The following FANK1 variants were observed in gnomAD, a reference collection of about 807,000 sequenced individuals.
The protein encoded by FANK1 is fibronectin type III and ankyrin repeat domains 1.
A neutral mutation model predicts 45.3 loss-of-function variants in FANK1; 44 were observed. That is an observed-to-expected ratio of 0.97 (90% CI 0.76 to 1.25). The LOEUF (loss-of-function observed/expected upper bound fraction) is 1.25. Ranked by LOEUF, FANK1 falls within the 50% of genes most tolerant of loss-of-function variation. FANK1 has a pLI of 0.00. For missense variants in FANK1, 391 were observed against 424.4 expected, an observed-to-expected ratio of 0.92 and a Z score of 0.69; for synonymous variants, 149 against 152.5, an observed-to-expected ratio of 0.98 and a Z score of 0.17.
At position 125,928,261 on chromosome 10, in the gene FANK1, C is replaced by CTTTTTTTTTTTTTT. The variant is rs34889746; in HGVS notation, c.13+31611_13+31624dup. ...TAAACAAGGGGTGGATTATTCGTGCCTTTTTTTTTTTTTTTTTTAAAGACC... is the reference window on the plus strand; with the variant it reads ...TAAACAAGGGGTGGATTATTCGTGCCTTTTTTTTTTTTTTTTTTTTTTTTTTTTTTTTAAAGACC... On this transcript the variant is annotated intron_variant, in intron 1 of 10. Coordinates refer to ENST00000368693, the MANE Select transcript of FANK1 (RefSeq NM_145235.5). Among the ~76,000 whole-genome samples, 5 of 137,722 alleles carry CTTTTTTTTTTTTTT rather than the reference C, an allele frequency of 3.6e-5. 1 individual carries two copies. The highest frequency in any genetic ancestry group is 3.1e-5 in the Non-Finnish European group (2 of 65,400). 90.4% of individuals were successfully genotyped at this position (137,722 alleles called of 152,430 possible).
Position 126,008,417 on chromosome 10 carries a change from T to G in FANK1, c.716T>G (p.Val239Gly). ...TCTCTGGCCCAACAGGTAGACGTCG[T>G]GGACACTGGTTCAGGATGGACCCCA... ...MIKDGCEVDVVDTGSGWTPLM... is the reference protein window; with the variant it reads ...MIKDGCEVDVGDTGSGWTPLM... The change falls in exon 8 of 11, where the codon GTG (valine) becomes GGG (glycine). Residue 239 changes from valine (V) to glycine (G), a missense_variant. Physicochemically the swap from Val to Gly is moderately radical, Grantham distance 109. Transcript: ENST00000368693. The G allele has an allele frequency of 6.2e-7, 1 of 1,604,788 alleles. No individual in the cohort carries two copies. Among genetic ancestry groups the G allele is most frequent in the Non-Finnish European group, 8.5e-7 (1 of 1,176,542 alleles).
Position 125,927,221 on chromosome 10 carries a change from C to T in FANK1, c.13+30566C>T, listed in dbSNP as rs1947411817. On this transcript the variant is annotated intron_variant, in intron 1 of 10. Transcript: ENST00000368693. Reference sequence around the variant, plus strand: ...CTCCCTGGCTCAAGCGATCCTCCCACCTTAGCCTCCTGAGTAGCTGGGACA... The same window carrying T: ...CTCCCTGGCTCAAGCGATCCTCCCATCTTAGCCTCCTGAGTAGCTGGGACA... 2.0e-5 allele frequency among the ~76,000 whole-genome samples: 3 copies of T among 152,228 alleles called. No homozygotes were observed. The South Asian group carries it at 6.2e-4, about 31-fold the overall frequency.
At chr10:125,971,753 C>T (rs1464255438) in intron 1 of FANK1, among the ~76,000 whole-genome samples, 1 of 152,054 alleles carries the variant, frequency 6.6e-6, no homozygotes, top group African/African-American at 2.4e-5. Flanking sequence ...TCCTGAGTAG[C>T]TGGGACTACA....
Position 125,984,424 on chromosome 10 carries a change from T to TG in FANK1, c.191+4089dup, listed in dbSNP as rs1367565471. On this transcript the variant is annotated intron_variant, in intron 2 of 10. Coordinates refer to ENST00000368693, the MANE Select transcript of FANK1 (RefSeq NM_145235.5). ...GGCGGGGAGGTAGATAGAATCCTTG[T>TG]GGGAGGGCACCTTGTGTCTCTGAAC... 2.0e-5 allele frequency among the ~76,000 whole-genome samples: 3 copies of TG among 152,126 alleles called. No individual in the cohort carries two copies. In the East Asian group the frequency reaches 5.8e-4, roughly 29 times the overall value.
chr10:125,937,051 A>AAAAGCC (rs1948148862), intron 1 of FANK1, among the ~76,000 whole-genome samples: 1 of 152,252 alleles, frequency 6.6e-6, no homozygotes, highest in East Asian at 1.9e-4. Flanking sequence ...TGGCAACAAC[A>AAAAGCC]AAAGCCAAAC....
chr10:125,970,731 G>T (rs1185330974), intron 1 of FANK1, among the ~76,000 whole-genome samples: 2 of 152,152 alleles, frequency 1.3e-5, no homozygotes, highest in Admixed American at 1.3e-4. Context: ...GGAGAATCAG[G>T]CAGGGAGGTT....
intron 1 of FANK1, among the ~76,000 whole-genome samples, chr10:125,954,765 TA>T (rs1468416460): frequency 6.6e-6 from 1 of 151,784 alleles, no homozygotes; most frequent in Non-Finnish European, 1.5e-5. Context: ...ACTAAAAATA[TA>T]AAAATTAGCC....
chr10:125,992,945 A>G (rs909553934), intron 3 of FANK1, among the ~76,000 whole-genome samples: 2 of 152,218 alleles, frequency 1.3e-5, no homozygotes, highest in South Asian at 2.1e-4. Context: ...GGAAGCATAT[A>G]GTGAACTGGT....
chr10:125,994,328 A>T, intron 3 of FANK1: 2 of 917,790 alleles, frequency 2.2e-6, no homozygotes, highest in Non-Finnish European at 2.6e-6. Context: ...AGCTCTTTTC[A>T]TGCTAACCCC....
At chr10:125,899,383 T>G (rs1224862514) in intron 1 of FANK1, among the ~76,000 whole-genome samples, 1 of 152,058 alleles carries the variant, frequency 6.6e-6, no homozygotes, top group Non-Finnish European at 1.5e-5. Flanking sequence ...TTAATTTTAT[T>G]TACTTTGAAT....
intron 1 of FANK1, among the ~76,000 whole-genome samples, chr10:125,971,304 C>T (rs1400257102): frequency 6.6e-6 from 1 of 152,062 alleles, no homozygotes. Flanking sequence ...ATCAGTCAAA[C>T]TCTCTGCCTT....
intron 3 of FANK1, among the ~76,000 whole-genome samples, chr10:125,992,151 A>G (rs1346148899): frequency 1.3e-5 from 2 of 152,224 alleles, no homozygotes; most frequent in Non-Finnish European, 2.9e-5. Flanking sequence ...AAAGTCTTGA[A>G]GGATTCAGGG....
chr10:125,954,924 A>C (rs1472760425), intron 1 of FANK1, among the ~76,000 whole-genome samples: 1 of 152,148 alleles, frequency 6.6e-6, no homozygotes, highest in Non-Finnish European at 1.5e-5. Context: ...GTCTCAAAAA[A>C]ATAAATTAAA....
Position 125,988,602 on chromosome 10 carries a change from C to T in FANK1, c.243C>T (p.Tyr81=). ...VVEGLEPRTL[Y]RFRLKVTSPS... ...AAGGTCTGGAACCAAGGACGCTGTA[C>T]AGATTTCGCCTGAAGGTCACCAGCC... Residue 81 remains tyrosine, a synonymous_variant, in exon 3 of 11, where the codon TAC becomes TAT. Transcript: ENST00000368693. 6.2e-7 allele frequency: 1 copy of T among 1,614,204 alleles called. No individual in the cohort carries two copies. Among genetic ancestry groups the T allele is most frequent in the South Asian group, 1.1e-5 (1 of 91,080 alleles).
intron 1 of FANK1, among the ~76,000 whole-genome samples, chr10:125,932,358 GTGTCATC>G (rs1287870438): frequency 6.6e-6 from 1 of 152,092 alleles, no homozygotes; most frequent in East Asian, 1.9e-4. Context: ...CCATTTGTTT[GTGTCATC>G]TATGATTTAT....
chr10:125,958,216 C>T (rs1166884657), intron 1 of FANK1, among the ~76,000 whole-genome samples: 1 of 152,140 alleles, frequency 6.6e-6, no homozygotes, highest in East Asian at 1.9e-4. Context: ...TTTACCCTTC[C>T]CAGCCTCTAG....
Position 126,009,399 on chromosome 10 carries a change from GAA to G in FANK1, c.1006_1007del (p.Lys336AlafsTer27), listed in dbSNP as rs768356108. 1.9e-6 allele frequency: 3 copies of G among 1,612,904 alleles called. No individual in the cohort carries two copies. In the African/African-American group the frequency reaches 4.0e-5, roughly 22 times the overall value. ...GTGTAGTCTCCTTATTAGAAGAAAGGAAAAAAAAGCAGAGGCCAAAGAAGTCT... is the reference window on the plus strand; with the variant it reads ...GTGTAGTCTCCTTATTAGAAGAAAGGAAAAAAGCAGAGGCCAAAGAAGTCT... The part of the protein sequence containing the change: ...QSVVSLLEER[K>X]KKQRPKKSCV... On this transcript the variant is annotated frameshift_variant, in exon 11 of 11. Transcript: ENST00000368693. LOFTEE classifies it high-confidence loss of function.
rs1255027947 is a variant in FANK1 at position 125,994,796 on chromosome 10, C to T, written c.317-621C>T. ...TGTCCCCTGTACAAAGGATGCCCTC[C>T]TCCCCGGCTGTGGCCCATTGTTCTT... is the stretch of plus-strand genomic sequence containing the variant. On this transcript the variant is annotated intron_variant, in intron 3 of 10. Transcript: ENST00000368693. 3 of 985,240 alleles carry T rather than the reference C, an allele frequency of 3.0e-6. No individual in the cohort carries two copies. In the East Asian group the frequency reaches 3.4e-4, roughly 112 times the overall value. 61.0% of individuals were successfully genotyped at this position (985,240 alleles called of 1,614,324 possible).
chr10:125,899,847 G>A (rs74766345), intron 1 of FANK1, among the ~76,000 whole-genome samples: 5 of 143,510 alleles, frequency 3.5e-5, no homozygotes, highest in African/African-American at 5.1e-5. Flanking sequence ...TTTTACAAGT[G>A]TAGTTGAATA....
Sources: gnomAD v4.1 joint callset for allele counts (sites outside exome capture counted in the v4.1 genomes callset) on GRCh38, gnomAD v4.1.1 for gene constraint, MANE v1.5 for transcripts, NCBI Gene and HGNC (gene_info 2026-07-23, HGNC 2026-07-21) for gene names.